Variants in HEPHL1 observed in about 807,000 individuals in gnomAD.
The protein encoded by HEPHL1 is ferroxidase HEPHL1.
Under a neutral mutation model 122.0 loss-of-function variants are expected in HEPHL1, and 123 were observed. The observed-to-expected ratio is 1.01, with a 90% CI of 0.87 to 1.17. The LOEUF (loss-of-function observed/expected upper bound fraction) is 1.17, where lower values mean the gene tolerates loss of function less well. Among genes scored for constraint, HEPHL1 ranks in the 50% most tolerant of loss-of-function variants. HEPHL1 has a pLI of 0.00. For synonymous variants in HEPHL1, 527 were observed against 508.9 expected (o/e 1.04, Z -0.48); for missense variants, 1,452 against 1,430.5 (o/e 1.01, Z -0.24).
chr11:94,085,879 T>G, intron 10 of HEPHL1, 98 bp from the exon 11 acceptor site: 1 of 859,242 alleles, frequency 1.2e-6, no homozygotes, highest in Non-Finnish European at 1.9e-6. Flanking sequence ...CTGTTTATTC[T>G]CTGAAAACAA....
chr11:94,073,440 G>A lies in HEPHL1; in HGVS notation c.1504+1G>A. ...TCTGATGCAGCCCCAAACCTAGATG[G>A]TAAGTCTCACTCTGGGCTTAGGGAG... On this transcript the variant is annotated splice_donor_variant, in intron 8 of 19. Transcript: ENST00000315765. LOFTEE classifies it high-confidence loss of function. The A allele has an allele frequency of 1.9e-6, 3 of 1,552,576 alleles. No homozygotes were observed. The highest frequency in any genetic ancestry group is 2.4e-5 in the East Asian group (1 of 41,026).
At chr11:94,093,367 C>T in intron 12 of HEPHL1, 134 bp from the exon 13 acceptor site, 2 of 926,512 alleles carry the variant, frequency 2.2e-6, no homozygotes, top group East Asian at 4.8e-5. Flanking sequence ...GTGCAAAAGG[C>T]CTGCTCCCCA....
At chr11:94,034,704 A>T (rs1184529217) in intron 1 of HEPHL1, among the ~76,000 whole-genome samples, 4 of 152,168 alleles carry the variant, frequency 2.6e-5, no homozygotes, top group African/African-American at 9.7e-5. Flanking sequence ...TTCACAAAGA[A>T]AGTCCCAGAC....
chr11:94,098,608 T>C (rs537773593), intron 13 of HEPHL1, among the ~76,000 whole-genome samples: 20 of 152,198 alleles, frequency 1.3e-4, no homozygotes, highest in Non-Finnish European at 2.4e-4. Flanking sequence ...TGCAGAGTGT[T>C]TTCCAACTTG....
chr11:94,050,290 T>C (rs1945878285), intron 2 of HEPHL1, among the ~76,000 whole-genome samples: 1 of 152,170 alleles, frequency 6.6e-6, no homozygotes, highest in African/African-American at 2.4e-5. Flanking sequence ...TGAAGAGAGT[T>C]TTAATTCTTC....
intron 9 of HEPHL1, among the ~76,000 whole-genome samples, 151 bp downstream of exon 9, chr11:94,075,536 A>C (rs1273955008): frequency 6.6e-6 from 1 of 152,170 alleles, no homozygotes; most frequent in African/African-American, 2.4e-5. Context: ...ATTTTATTTG[A>C]TTTTCTGGTG....
At chr11:94,055,880 A>C (rs1945932382) in intron 2 of HEPHL1, 1 of 674,938 alleles carries the variant, frequency 1.5e-6, no homozygotes. Context: ...TGTGCTCAGC[A>C]TCCACATAAT....
chr11:94,090,128 C>G (rs1565359364), intron 12 of HEPHL1, among the ~76,000 whole-genome samples: 1 of 151,724 alleles, frequency 6.6e-6, no homozygotes, highest in Non-Finnish European at 1.5e-5. Context: ...TTAAGATTTC[C>G]CTTAAGAACA....
At chr11:94,059,361 A>T (rs1343187940) in intron 2 of HEPHL1, among the ~76,000 whole-genome samples, 1 of 152,150 alleles carries the variant, frequency 6.6e-6, no homozygotes, top group Non-Finnish European at 1.5e-5. Flanking sequence ...TGTACAATAC[A>T]TTATTACAAA....
At chr11:94,093,763 C>T in intron 13 of HEPHL1, 123 bp downstream of exon 13, 1 of 1,089,798 alleles carries the variant, frequency 9.2e-7, no homozygotes, top group Non-Finnish European at 1.3e-6. Flanking sequence ...TGACTGCATT[C>T]CTCCAAGTGT....
In HEPHL1 at chr11:94,075,391, C is replaced by A; in HGVS notation, c.1716+6C>A. 1.9e-6 allele frequency: 3 copies of A among 1,606,960 alleles called. No homozygotes were observed. The highest frequency in any genetic ancestry group is 2.6e-6 in the Non-Finnish European group (3 of 1,175,264). ...TCAATGCTGATGGGACACAGGTAGG[C>A]CATTGAGTGTCACCAGTTCTTCTCA... is the stretch of plus-strand genomic sequence containing the variant. On this transcript the variant is annotated splice_donor_region_variant and intron_variant, in intron 9 of 19. Transcript: ENST00000315765.
At chr11:94,108,625 T>A (rs1946426165) in intron 17 of HEPHL1, among the ~76,000 whole-genome samples, 1 of 152,042 alleles carries the variant, frequency 6.6e-6, no homozygotes, top group African/African-American at 2.4e-5. Context: ...TATGTCCAAA[T>A]GTTCCATCAC....
In HEPHL1 at chr11:94,093,616, C is replaced by A. The variant is rs185758554; in HGVS notation, c.2410C>A (p.Arg804=). 15 of 1,613,378 alleles carry A rather than the reference C, an allele frequency of 9.3e-6. No individual in the cohort carries two copies. The highest frequency in any genetic ancestry group is 1.3e-5 in the Non-Finnish European group (15 of 1,179,776). Residue 804 remains arginine, a synonymous_variant, in exon 13 of 20, where the codon CGA becomes AGA. Coordinates refer to ENST00000315765, the MANE Select transcript of HEPHL1 (RefSeq NM_001098672.2). Reference sequence around the variant, plus strand: ...TGTGGAGATCAAAGCCCGACCACCACGAGAGGAGCACTTAGAACTCCTGGG... The same window carrying A: ...TGTGGAGATCAAAGCCCGACCACCAAGAGAGGAGCACTTAGAACTCCTGGG... The part of the protein sequence containing the change: ...EFVEIKARPP[R]EEHLELLGPM...
Position 94,029,157 on chromosome 11 carries a change from G to GC in HEPHL1, c.170+7619_170+7620insC, listed in dbSNP as rs758414038. 2.6e-5 allele frequency among the ~76,000 whole-genome samples: 4 copies of GC among 152,264 alleles called. No individual in the cohort carries two copies. In the South Asian group the frequency reaches 8.3e-4, roughly 32 times the overall value. On this transcript the variant is annotated intron_variant, in intron 1 of 19. Coordinates refer to ENST00000315765, the MANE Select transcript of HEPHL1 (RefSeq NM_001098672.2). ...AAATTTTTATCAAATAGTTACTATA[G>GC]TTTTTGTTTTGTGTGAAGTATCTTC...
At position 94,102,959 on chromosome 11, in the gene HEPHL1, C is replaced by A; in HGVS notation, c.2621C>A (p.Pro874Gln). The change falls in exon 15 of 20, where the codon CCA (proline) becomes CAA (glutamine). Residue 874 changes from proline (P) to glutamine (Q), a missense_variant. Transcript: ENST00000315765. ...YRWNIPKRSG[P>Q]GPSDPNCIPW... ...TGGAATATCCCTAAAAGATCCGGTC[C>A]AGGGCCTTCTGATCCCAATTGTATT... 6.2e-7 allele frequency: 1 copy of A among 1,609,724 alleles called. No homozygotes were observed. The highest frequency in any genetic ancestry group is 1.1e-5 in the South Asian group (1 of 90,974).
chr11:94,065,155 G>T (rs1351407329), intron 4 of HEPHL1, among the ~76,000 whole-genome samples: 1 of 152,100 alleles, frequency 6.6e-6, no homozygotes, highest in Non-Finnish European at 1.5e-5. Flanking sequence ...TAGCATTTTA[G>T]GATTTTCTTA....
chr11:94,050,508 TTTC>T (rs1945880477), intron 2 of HEPHL1, among the ~76,000 whole-genome samples: 1 of 152,122 alleles, frequency 6.6e-6, no homozygotes, highest in Non-Finnish European at 1.5e-5. Context: ...AGAAAGTTTC[TTTC>T]TTTTTTTTAA....
intron 17 of HEPHL1, among the ~76,000 whole-genome samples, chr11:94,108,220 T>C (rs1033595808): frequency 6.6e-6 from 1 of 152,130 alleles, no homozygotes; most frequent in Non-Finnish European, 1.5e-5. Flanking sequence ...TGGTGAAGTG[T>C]CCAAATTGTA....
chr11:94,094,462 T>C (rs1328458200), intron 13 of HEPHL1, among the ~76,000 whole-genome samples: 2 of 152,204 alleles, frequency 1.3e-5, no homozygotes, highest in Non-Finnish European at 2.9e-5. Context: ...TAAACATACA[T>C]GTGCATGTGT....
Sources: gnomAD v4.1 joint callset for allele counts (sites outside exome capture counted in the v4.1 genomes callset) on GRCh38, gnomAD v4.1.1 for gene constraint, MANE v1.5 for transcripts, NCBI Gene and HGNC (gene_info 2026-07-23, HGNC 2026-07-21) for gene names.